The following GALNTL6 variants were observed in gnomAD, a reference collection of about 807,000 sequenced individuals.
GALNTL6 encodes polypeptide N-acetylgalactosaminyltransferase-like 6.
In GALNTL6, 46 loss-of-function variants were observed where a neutral mutation model predicts 73.7. The observed-to-expected ratio is 0.62, with a 90% CI of 0.49 to 0.80. GALNTL6 has a LOEUF of 0.80. Ranked by LOEUF, GALNTL6 falls within the 30% of genes least tolerant of loss-of-function variation. The pLI is 0.00. For synonymous variants in GALNTL6, 259 were observed against 263.7 expected, an observed-to-expected ratio of 0.98 and a Z score of 0.17; for missense variants, 604 against 755.0, an observed-to-expected ratio of 0.80 and a Z score of 2.34.
intron 3 of GALNTL6, among the ~76,000 whole-genome samples, chr4:172,271,127 G>A (rs1177580347): frequency 6.6e-6 from 1 of 152,002 alleles, no homozygotes. Flanking sequence ...ATGAAATGCA[G>A]ACATCAAATA....
intron 5 of GALNTL6, among the ~76,000 whole-genome samples, chr4:172,384,499 A>G (rs1743391918): frequency 6.6e-6 from 1 of 150,414 alleles, no homozygotes; most frequent in Admixed American, 6.6e-5. Context: ...CTCTCACTTC[A>G]TCTTGTTTTG....
intron 5 of GALNTL6, among the ~76,000 whole-genome samples, chr4:172,675,234 G>A (rs1263906978): frequency 6.6e-6 from 1 of 152,102 alleles, no homozygotes; most frequent in Non-Finnish European, 1.5e-5. Flanking sequence ...GGAGATTTGG[G>A]GAGACCAGTT....
chr4:172,410,200 T>C (rs1744380628), intron 5 of GALNTL6, among the ~76,000 whole-genome samples: 1 of 152,056 alleles, frequency 6.6e-6, no homozygotes, highest in East Asian at 1.9e-4. Context: ...ATCATGAAGC[T>C]TATTTTACTA....
intron 2 of GALNTL6, among the ~76,000 whole-genome samples, chr4:171,831,162 C>T (rs143219779): frequency 9.2e-5 from 14 of 152,086 alleles, no homozygotes; most frequent in African/African-American, 2.6e-4. Context: ...CTTTGAACAA[C>T]CCCCACTCTT....
At chr4:171,995,866 C>A (rs537763276) in intron 2 of GALNTL6, among the ~76,000 whole-genome samples, 21 of 152,150 alleles carry the variant, frequency 1.4e-4, no homozygotes, top group African/African-American at 5.1e-4. Context: ...CTACACATTA[C>A]AGTTTTAAAG....
chr4:172,882,264 G>GGTTTCTTATTT (rs1745495948), intron 7 of GALNTL6, among the ~76,000 whole-genome samples: 1 of 152,090 alleles, frequency 6.6e-6, no homozygotes, highest in African/African-American at 2.4e-5. Flanking sequence ...AACTAATTCT[G>GGTTTCTTATTT]GTTTCTTATT....
chr4:172,592,810 A>G (rs1329624640), intron 5 of GALNTL6, among the ~76,000 whole-genome samples: 3 of 151,992 alleles, frequency 2.0e-5, no homozygotes, highest in Admixed American at 6.6e-5. Flanking sequence ...TTTGTTTGCT[A>G]TTGAGTTTGA....
chr4:172,522,669 C>A lies in GALNTL6; in HGVS notation c.553+173980C>A, dbSNP rs924886116. Among the ~76,000 whole-genome samples, 24 of 65,782 alleles carry A rather than the reference C, an allele frequency of 3.6e-4. 1 individual carries two copies. The East Asian group carries it at 6.4e-3, about 18-fold the overall frequency. 43.2% of individuals were successfully genotyped at this position (65,782 alleles called of 152,430 possible). Reference sequence around the variant, plus strand: ...TGGGTAACGAGTGAAACTCAGTCCCCCCCCCCCCCAAAAAAAAAGTGTATT... The same window carrying A: ...TGGGTAACGAGTGAAACTCAGTCCCACCCCCCCCCAAAAAAAAAGTGTATT... On this transcript the variant is annotated intron_variant, in intron 5 of 12. Coordinates refer to ENST00000506823, the MANE Select transcript of GALNTL6 (RefSeq NM_001034845.3).
At chr4:171,948,472 T>C (rs892873730) in intron 2 of GALNTL6, among the ~76,000 whole-genome samples, 2 of 152,184 alleles carry the variant, frequency 1.3e-5, no homozygotes, top group African/African-American at 4.8e-5. Context: ...TCTGTGTAAT[T>C]TAGGCTTTTT....
At chr4:172,290,106 C>T (rs1049004266) in intron 3 of GALNTL6, among the ~76,000 whole-genome samples, 31 of 152,084 alleles carry the variant, frequency 2.0e-4, no homozygotes, top group African/African-American at 7.5e-4. Context: ...ACCATTGCAA[C>T]TGTAGGTATA....
At chr4:172,871,046 C>T (rs1210524152) in intron 7 of GALNTL6, among the ~76,000 whole-genome samples, 1 of 152,158 alleles carries the variant, frequency 6.6e-6, no homozygotes, top group African/African-American at 2.4e-5. Context: ...GAGGCTACAA[C>T]TACAAATGCC....
intron 2 of GALNTL6, among the ~76,000 whole-genome samples, chr4:171,843,971 T>C (rs905064416): frequency 3.3e-5 from 5 of 152,194 alleles, no homozygotes; most frequent in African/African-American, 1.2e-4. Flanking sequence ...TAGAATTTGA[T>C]ATTGAAGATT....
intron 4 of GALNTL6, among the ~76,000 whole-genome samples, chr4:172,337,158 A>G (rs553104214): frequency 4.0e-5 from 6 of 151,874 alleles, no homozygotes; most frequent in Admixed American, 1.3e-4. Flanking sequence ...GCTTATGGGT[A>G]TCCTTACATT....
intron 5 of GALNTL6, among the ~76,000 whole-genome samples, chr4:172,527,031 T>C (rs1734983042): frequency 6.6e-6 from 1 of 152,190 alleles, no homozygotes; most frequent in Non-Finnish European, 1.5e-5. Flanking sequence ...AGTTATTTTA[T>C]AAGAATTTTG....
chr4:172,039,983 T>C lies in GALNTL6; in HGVS notation c.139-189673T>C, dbSNP rs1579081117. 2.6e-5 allele frequency among the ~76,000 whole-genome samples: 4 copies of C among 152,178 alleles called. 1 individual carries two copies. Among genetic ancestry groups the C allele is most frequent in the Admixed American group, 2.6e-4 (4 of 15,260 alleles). On this transcript the variant is annotated intron_variant, in intron 2 of 12. Coordinates refer to ENST00000506823, the MANE Select transcript of GALNTL6 (RefSeq NM_001034845.3). ...TAAATGATAAAAATATTGCAATCCA[T>C]ATAAATTTGATTAAACGAACAAACA...
At chr4:171,962,620 T>C (rs981264259) in intron 2 of GALNTL6, among the ~76,000 whole-genome samples, 2 of 152,098 alleles carry the variant, frequency 1.3e-5, no homozygotes, top group Non-Finnish European at 2.9e-5. Flanking sequence ...ACTCCTTTCC[T>C]GGAAAACTCA....
chr4:172,177,817 G>GTATATATATACACACACAAATA, intron 2 of GALNTL6, among the ~76,000 whole-genome samples: 1 of 132,206 alleles, frequency 7.6e-6, no homozygotes, highest in South Asian at 2.2e-4. Context: ...ATATATGTGT[G>GTATATATATACACACACAAATA]TGTATATATA....
chr4:172,848,912 A>G (rs1459173126), intron 7 of GALNTL6, among the ~76,000 whole-genome samples: 2 of 152,180 alleles, frequency 1.3e-5, no homozygotes, highest in African/African-American at 4.8e-5. Flanking sequence ...AGCCACTGTC[A>G]TTTGTTTTCA....
intron 5 of GALNTL6, among the ~76,000 whole-genome samples, chr4:172,589,524 A>G (rs906983046): frequency 1.3e-5 from 2 of 152,204 alleles, no homozygotes; most frequent in African/African-American, 4.8e-5. Flanking sequence ...GGCTCTGAGA[A>G]GTTAAGTAAC....
Sources: gnomAD v4.1 joint callset for allele counts (sites outside exome capture counted in the v4.1 genomes callset) on GRCh38, gnomAD v4.1.1 for gene constraint, MANE v1.5 for transcripts, NCBI Gene and HGNC (gene_info 2026-07-23, HGNC 2026-07-21) for gene names.